ZFHX3: variants seen among roughly 807,000 people sequenced by gnomAD.
ZFHX3 encodes zinc finger homeobox protein 3.
In ZFHX3, 42 loss-of-function variants were observed where a neutral mutation model predicts 279.1. That is an observed-to-expected ratio of 0.15 (90% CI 0.12 to 0.19). ZFHX3 has a LOEUF of 0.19. Among genes scored for constraint, ZFHX3 ranks in the 10% least tolerant of loss-of-function variants. The pLI is 1.00. For synonymous variants in ZFHX3, 2,293 were observed against 1,957.8 expected, an observed-to-expected ratio of 1.17 and a Z score of -4.52; for missense variants, 4,981 against 4,754.0, an observed-to-expected ratio of 1.05 and a Z score of -1.40.
chr16:73,373,793 T>C (rs181060797), intron 3 of ZFHX3, among the ~76,000 whole-genome samples: 3 of 152,340 alleles, frequency 2.0e-5, no homozygotes, highest in South Asian at 2.1e-4. Flanking sequence ...TGATGTATGA[T>C]TTCCCTACAC....
At chr16:73,887,639 G>A (rs539922612) in intron 1 of ZFHX3, among the ~76,000 whole-genome samples, 2 of 151,370 alleles carry the variant, frequency 1.3e-5, no homozygotes, top group South Asian at 2.1e-4. Context: ...TTGGGGCCAG[G>A]AAGAAACCAA....
chr16:73,172,042 C>A (rs1225130148), intron 5 of ZFHX3, among the ~76,000 whole-genome samples: 2 of 152,198 alleles, frequency 1.3e-5, no homozygotes, highest in South Asian at 4.1e-4. Context: ...CAGACCGGGT[C>A]CTGCCCAGAC....
chr16:73,262,324 T>A (rs975990951), intron 4 of ZFHX3, among the ~76,000 whole-genome samples: 1 of 152,212 alleles, frequency 6.6e-6, no homozygotes, highest in African/African-American at 2.4e-5. Context: ...TAATGCATTT[T>A]GTGATCCCAT....
chr16:73,889,463 G>C (rs888899039), intron 1 of ZFHX3, among the ~76,000 whole-genome samples: 1 of 152,206 alleles, frequency 6.6e-6, no homozygotes, highest in Non-Finnish European at 1.5e-5. Flanking sequence ...GCATCTCCCA[G>C]AGAATGAACT....
In ZFHX3 at chr16:73,883,590, T is replaced by C. The variant is rs138383211; in HGVS notation, c.-1608+8061A>G. ...CCTCAGTATCAGCCTTTCTTCCGTG[T>C]ACAAAAATACATCTGCCAGAAAGGC... is the stretch of plus-strand genomic sequence containing the variant. On this transcript the variant is annotated intron_variant, in intron 1 of 17. Transcript: ENST00000641206. Among the ~76,000 whole-genome samples the C allele has an allele frequency of 1.1e-4, 16 of 152,122 alleles. No homozygotes were observed. In the East Asian group the frequency reaches 3.1e-3, roughly 29 times the overall value.
intron 2 of ZFHX3, among the ~76,000 whole-genome samples, chr16:73,514,640 A>G (rs994999588): frequency 2.6e-5 from 4 of 152,204 alleles, no homozygotes; most frequent in Non-Finnish European, 4.4e-5. Flanking sequence ...ACGTGTTATT[A>G]TTCATCTTAC....
At chr16:72,882,979 T>TGG (rs2038524462) in intron 4 of ZFHX3, among the ~76,000 whole-genome samples, 2 of 16,248 alleles carry the variant, frequency 1.2e-4, no homozygotes, top group African/African-American at 1.9e-4. Context: ...CACTCTGGGG[T>TGG]GTGTGTGTGT....
intron 1 of ZFHX3, among the ~76,000 whole-genome samples, chr16:73,752,708 T>A (rs556085234): frequency 1.1e-4 from 16 of 152,250 alleles, no homozygotes; most frequent in African/African-American, 3.8e-4. Flanking sequence ...AACAAAACCA[T>A]GTCGACTAGT....
At chr16:73,080,506 A>G (rs1355785388) in intron 8 of ZFHX3, among the ~76,000 whole-genome samples, 1 of 152,204 alleles carries the variant, frequency 6.6e-6, no homozygotes, top group Non-Finnish European at 1.5e-5. Context: ...CCACACCTCA[A>G]ACTTGAATCT....
intron 3 of ZFHX3, among the ~76,000 whole-genome samples, chr16:73,394,771 C>G (rs2017093170): frequency 6.6e-6 from 1 of 152,088 alleles, no homozygotes; most frequent in Non-Finnish European, 1.5e-5. Context: ...GAACTCTGTA[C>G]CCCTTAGATA....
intron 1 of ZFHX3, among the ~76,000 whole-genome samples, chr16:73,003,198 G>A (rs953179913): frequency 6.6e-6 from 1 of 151,868 alleles, no homozygotes; most frequent in Non-Finnish European, 1.5e-5. Flanking sequence ...TCTGTTATAA[G>A]TGTCTGTAGC....
intron 4 of ZFHX3, among the ~76,000 whole-genome samples, chr16:72,874,834 C>G (rs571342406): frequency 6.6e-6 from 1 of 152,312 alleles, no homozygotes; most frequent in East Asian, 1.9e-4. Context: ...TTTCTGTGAT[C>G]TATAGCTGAG....
chr16:73,752,047 A>G (rs185482549), intron 1 of ZFHX3, among the ~76,000 whole-genome samples: 108 of 152,314 alleles, frequency 7.1e-4, no homozygotes, highest in African/African-American at 2.3e-3. Context: ...AGGCCTGGCC[A>G]TAAGATCTAT....
intron 2 of ZFHX3, among the ~76,000 whole-genome samples, chr16:73,582,573 C>G (rs1022083743): frequency 6.6e-6 from 1 of 151,886 alleles, no homozygotes; most frequent in Non-Finnish European, 1.5e-5. Flanking sequence ...CTCCTGGGTT[C>G]AAGCGATTCT....
intron 7 of ZFHX3, among the ~76,000 whole-genome samples, chr16:73,120,994 G>A (rs867579726): frequency 1.3e-4 from 20 of 151,980 alleles, no homozygotes; most frequent in Admixed American, 5.2e-4. Flanking sequence ...CTATTTATCC[G>A]CTTAAGCCAC....
chr16:73,593,578 AGGAGGGAG>A (rs896734343), intron 2 of ZFHX3, among the ~76,000 whole-genome samples: 5 of 130,518 alleles, frequency 3.8e-5, no homozygotes, highest in East Asian at 3.0e-4. Context: ...GAAGAAAAGA[AGGAGGGAG>A]GGAGGGAGGG....
intron 4 of ZFHX3, among the ~76,000 whole-genome samples, chr16:72,847,713 C>G (rs1182101662): frequency 1.3e-5 from 2 of 152,034 alleles, no homozygotes; most frequent in East Asian, 3.9e-4. Context: ...CCCCAAAAGG[C>G]AAGGCCTAAA....
intron 3 of ZFHX3, among the ~76,000 whole-genome samples, chr16:72,890,218 C>T (rs2038737516): frequency 6.6e-6 from 1 of 152,166 alleles, no homozygotes; most frequent in Non-Finnish European, 1.5e-5. Flanking sequence ...GGGGTGGTTC[C>T]CCCATGCTGT....
chr16:72,942,702 G>C (rs1358570384), intron 3 of ZFHX3, among the ~76,000 whole-genome samples: 2 of 152,102 alleles, frequency 1.3e-5, no homozygotes, highest in African/African-American at 4.8e-5. Flanking sequence ...AGAACTTCAG[G>C]AAAGGGAATT....
Sources: gnomAD v4.1 joint callset for allele counts (sites outside exome capture counted in the v4.1 genomes callset) on GRCh38, gnomAD v4.1.1 for gene constraint, MANE v1.5 for transcripts, NCBI Gene and HGNC (gene_info 2026-07-23, HGNC 2026-07-21) for gene names.